The following SP140L variants were observed in gnomAD, a reference collection of about 807,000 sequenced individuals.
SP140L encodes the protein SP140 like nuclear body protein, also known as nuclear body protein SP140-like protein.
SP140L carries 64 observed loss-of-function variants against 84.3 expected under a neutral mutation model. The ratio of observed to expected loss-of-function variants is 0.76; its 90% confidence interval spans 0.62 to 0.94. SP140L has a LOEUF of 0.94. Among genes scored for constraint, SP140L ranks in the 40% least tolerant of loss-of-function variants. The pLI, the probability that SP140L is intolerant of heterozygous loss-of-function variation, is 0.00. For synonymous variants in SP140L, 242 were observed against 236.9 expected (o/e 1.02, Z -0.20); for missense variants, 628 against 692.5 (o/e 0.91, Z 1.05).
chr2:230,336,353 G>A (rs2059882486), intron 2 of SP140L, among the ~76,000 whole-genome samples: 1 of 152,144 alleles, frequency 6.6e-6, no homozygotes, highest in Admixed American at 6.5e-5. Flanking sequence ...GCAGCCTGTT[G>A]CAACAGTTCC....
intron 1 of SP140L, among the ~76,000 whole-genome samples, chr2:230,327,797 GTTT>G (rs1414405011): frequency 6.6e-6 from 1 of 152,110 alleles, no homozygotes; most frequent in Non-Finnish European, 1.5e-5. Context: ...GGAAACTGTG[GTTT>G]CACCTGTCTT....
chr2:230,354,897 G>GAAAA (rs6147221), intron 2 of SP140L, among the ~76,000 whole-genome samples: 2 of 114,318 alleles, frequency 1.7e-5, no homozygotes, highest in South Asian at 2.9e-4. Context: ...AAGAAAGAAA[G>GAAAA]GAAAGAGAAA....
chr2:230,357,802 TA>T lies in SP140L; in HGVS notation c.108-2del. On this transcript the variant is annotated splice_acceptor_variant, in intron 2 of 18. Coordinates refer to ENST00000415673, the MANE Select transcript of SP140L (RefSeq NM_138402.6). LOFTEE classifies it high-confidence loss of function. The stretch of plus-strand genomic sequence containing the variant: ...ATTTTCATTTGGTGTCCTTTTTCCT[TA>T]GGCTGTTCACGGAAGACCAGGATGT... 1 of 1,605,374 alleles carries T rather than the reference TA, an allele frequency of 6.2e-7. No homozygotes were observed. Among genetic ancestry groups the T allele is most frequent in the South Asian group, 1.1e-5 (1 of 89,594 alleles).
Position 230,392,076 on chromosome 2 carries a change from T to A in SP140L, c.965-11T>A, listed in dbSNP as rs758722473. ...AAGAGGGCTCAGGATCAAGTTACCC[T>A]GGTCTTACAGGAACCTTGGCAAAGT... On this transcript the variant is annotated splice_polypyrimidine_tract_variant and intron_variant, in intron 11 of 18. Transcript: ENST00000415673. 8.1e-6 allele frequency: 13 copies of A among 1,613,652 alleles called. No homozygotes were observed. The highest frequency in any genetic ancestry group is 1.1e-5 in the Non-Finnish European group (13 of 1,179,738).
intron 9 of SP140L, among the ~76,000 whole-genome samples, chr2:230,387,321 T>C (rs2061625943): frequency 6.6e-6 from 1 of 152,252 alleles, no homozygotes. Context: ...ATTAACAGGA[T>C]GACAACTTGC....
chr2:230,342,483 G>A (rs372289625), intron 2 of SP140L, among the ~76,000 whole-genome samples: 44 of 152,348 alleles, frequency 2.9e-4, no homozygotes, highest in African/African-American at 8.7e-4. Flanking sequence ...GCTGTAGACC[G>A]GAGCTGTTCC....
chr2:230,382,162 A>ACCCCCCCCCCCCCCC (rs1553624190), intron 7 of SP140L, among the ~76,000 whole-genome samples: 3 of 133,562 alleles, frequency 2.2e-5, no homozygotes, highest in Admixed American at 7.7e-5. Flanking sequence ...GGTAACAGTC[A>ACCCCCCCCCCCCCCC]CCCCCCCACC....
At position 230,381,145 on chromosome 2, in the gene SP140L, A is replaced by C. The variant is rs2061392538; in HGVS notation, c.638-2365A>C. Reference sequence around the variant, plus strand: ...AGGAAACCCATGGGGTTTGCTAGCTAGGCGACTGCTAGCAAACCTGCCCAA... The same window carrying C: ...AGGAAACCCATGGGGTTTGCTAGCTCGGCGACTGCTAGCAAACCTGCCCAA... On this transcript the variant is annotated intron_variant, in intron 7 of 18. Coordinates refer to ENST00000415673, the MANE Select transcript of SP140L (RefSeq NM_138402.6). 1.3e-5 allele frequency among the ~76,000 whole-genome samples: 2 copies of C among 152,086 alleles called. 1 individual carries two copies. Among genetic ancestry groups the C allele is most frequent in the South Asian group, 4.1e-4 (2 of 4,832 alleles).
intron 5 of SP140L, among the ~76,000 whole-genome samples, chr2:230,369,192 A>T (rs773181897): frequency 1.3e-5 from 2 of 152,222 alleles, no homozygotes; most frequent in Non-Finnish European, 2.9e-5. Context: ...TGCCTAGGAT[A>T]ATCAGTGGGC....
At chr2:230,342,397 C>A (rs567308118) in intron 2 of SP140L, among the ~76,000 whole-genome samples, 2 of 152,234 alleles carry the variant, frequency 1.3e-5, no homozygotes, top group African/African-American at 4.8e-5. Context: ...CTGTCTGGCA[C>A]TCTCTAGTGA....
At chr2:230,383,613 T>C in intron 8 of SP140L, 38 bp downstream of exon 8, 1 of 1,570,360 alleles carries the variant, frequency 6.4e-7, no homozygotes, top group Non-Finnish European at 8.6e-7. Flanking sequence ...GCTTTTGAGT[T>C]TATTAAGGCG....
chr2:230,383,591 GAAGTA>G lies in SP140L; in HGVS notation c.703+17_703+21del. ...CAACAAAATGGTAAGCAGGCAAAGTGAAGTAGTTACAGCTTTTGAGTTTATTAAGG... is the reference window on the plus strand; with the variant it reads ...CAACAAAATGGTAAGCAGGCAAAGTGGTTACAGCTTTTGAGTTTATTAAGG... On this transcript the variant is annotated intron_variant, in intron 8 of 18. Transcript: ENST00000415673. 4 of 1,594,434 alleles carry G rather than the reference GAAGTA, an allele frequency of 2.5e-6. No homozygotes were observed. Among genetic ancestry groups the G allele is most frequent in the Non-Finnish European group, 3.4e-6 (4 of 1,170,338 alleles).
chr2:230,362,894 A>G (rs79247163), intron 5 of SP140L, among the ~76,000 whole-genome samples: 18,483 of 152,136 alleles, frequency 0.12, 1,160 homozygotes, highest in Middle Eastern at 0.15. Flanking sequence ...ACAGAAAAAA[A>G]AAAAAGAATA....
chr2:230,376,811 AT>A, intron 7 of SP140L, among the ~76,000 whole-genome samples: 1 of 152,188 alleles, frequency 6.6e-6, no homozygotes, highest in Non-Finnish European at 1.5e-5. Flanking sequence ...ACACCGTATG[AT>A]TTTAAACTAT....
At chr2:230,342,498 C>T (rs901306506) in intron 2 of SP140L, among the ~76,000 whole-genome samples, 31 of 152,208 alleles carry the variant, frequency 2.0e-4, no homozygotes, top group African/African-American at 5.3e-4. Flanking sequence ...TGTTCCTATT[C>T]GGCCATCTTG....
intron 7 of SP140L, among the ~76,000 whole-genome samples, chr2:230,381,124 AACCCATGGGGTTT>A (rs374390556): frequency 0.012 from 1,733 of 142,428 alleles, 40 homozygotes; most frequent in African/African-American, 0.041. Flanking sequence ...TCACTGAGGA[AACCCATGGGGTTT>A]GCTAGCTAGG....
At chr2:230,370,409 C>T (rs1197162966) in intron 5 of SP140L, among the ~76,000 whole-genome samples, 1 of 152,086 alleles carries the variant, frequency 6.6e-6, no homozygotes, top group Non-Finnish European at 1.5e-5. Flanking sequence ...CCTCTCCAGA[C>T]CCCAGAAAGG....
At chr2:230,358,061 A>C (rs1422978301) in intron 3 of SP140L, 94 bp downstream of exon 3, 2 of 1,434,304 alleles carry the variant, frequency 1.4e-6, no homozygotes, top group Non-Finnish European at 1.9e-6. Context: ...AGGAGAGGAG[A>C]AGCAGAGGTC....
chr2:230,370,402 C>T (rs1016538187), intron 5 of SP140L, among the ~76,000 whole-genome samples: 7 of 152,146 alleles, frequency 4.6e-5, no homozygotes, highest in African/African-American at 7.2e-5. Flanking sequence ...AGGTTGTCCT[C>T]TCCAGACCCC....
Sources: allele counts gnomAD v4.1 joint callset (sites outside exome capture counted in the v4.1 genomes callset), GRCh38; gene constraint gnomAD v4.1.1; transcripts MANE v1.5; gene names NCBI Gene and HGNC (gene_info 2026-07-23, HGNC 2026-07-21).